ACYP2: variants seen among roughly 807,000 people sequenced by gnomAD.
ACYP2 encodes the protein acylphosphatase 2, also known as acylphosphatase-2.
In ACYP2, 12 loss-of-function variants were observed where a neutral mutation model predicts 11.2. The observed-to-expected ratio is 1.08, with a 90% CI of 0.69 to 1.74. The LOEUF (loss-of-function observed/expected upper bound fraction) is 1.74, where lower values mean the gene tolerates loss of function less well. Among genes scored for constraint, ACYP2 ranks in the 40% most tolerant of loss-of-function variants. The probability of loss-of-function intolerance (pLI) is 0.00; values close to 1 mark genes in which losing one functional copy is unlikely to be tolerated. For missense variants in ACYP2, 134 were observed against 101.9 expected, an observed-to-expected ratio of 1.31 and a Z score of -1.35; for synonymous variants, 43 against 32.2, an observed-to-expected ratio of 1.33 and a Z score of -1.13.
intron 6 of ACYP2, among the ~76,000 whole-genome samples, chr2:54,237,455 T>G (rs1686535086): frequency 1.3e-5 from 2 of 152,228 alleles, no homozygotes; most frequent in African/African-American, 4.8e-5. Context: ...GGTTAGACTA[T>G]CGATACAAAT....
intron 6 of ACYP2, among the ~76,000 whole-genome samples, chr2:54,195,590 A>G (rs928735079): frequency 1.1e-4 from 16 of 150,110 alleles, no homozygotes; most frequent in Admixed American, 2.0e-4. Context: ...CCGCAGCCCC[A>G]GCTATCACAT....
At chr2:54,250,815 T>C (rs1687188959) in intron 6 of ACYP2, among the ~76,000 whole-genome samples, 1 of 152,272 alleles carries the variant, frequency 6.6e-6, no homozygotes. Flanking sequence ...ATTATAATTC[T>C]ATAGAAGTTT....
intron 6 of ACYP2, among the ~76,000 whole-genome samples, chr2:54,243,331 G>A (rs368141878): frequency 1.3e-5 from 2 of 152,110 alleles, no homozygotes; most frequent in Non-Finnish European, 2.9e-5. Context: ...CTATTTTACA[G>A]ACCTATATGG....
chr2:53,993,326 G>A (rs1672396438), intron 2 of ACYP2, among the ~76,000 whole-genome samples: 1 of 152,100 alleles, frequency 6.6e-6, no homozygotes, highest in Non-Finnish European at 1.5e-5. Context: ...GATCCAAAGG[G>A]CAGGAGTGAA....
chr2:54,045,775 C>A (rs1675488676), intron 2 of ACYP2, among the ~76,000 whole-genome samples: 1 of 151,748 alleles, frequency 6.6e-6, no homozygotes, highest in South Asian at 2.1e-4. Context: ...AAAATCACGC[C>A]ACTGCACTCC....
intron 4 of ACYP2, among the ~76,000 whole-genome samples, chr2:54,129,582 A>G (rs1273204723): frequency 6.6e-6 from 1 of 150,566 alleles, no homozygotes; most frequent in Admixed American, 6.6e-5. Flanking sequence ...GCTATCTATT[A>G]TAGTATATAT....
chr2:54,139,942 A>G (rs1232381132), intron 6 of ACYP2, among the ~76,000 whole-genome samples: 4 of 152,202 alleles, frequency 2.6e-5, no homozygotes, highest in Admixed American at 6.5e-5. Context: ...ATATTTTTCC[A>G]TAATTTGTAT....
intron 6 of ACYP2, among the ~76,000 whole-genome samples, chr2:54,165,535 TCACACACACACACA>T (rs1163844895): frequency 5.4e-5 from 7 of 128,852 alleles, no homozygotes; most frequent in Admixed American, 1.6e-4. Context: ...TCTCTCTCTC[TCACACACACACACA>T]CACACACACA....
At chr2:54,182,844 A>T (rs369061412) in intron 6 of ACYP2, among the ~76,000 whole-genome samples, 1 of 152,158 alleles carries the variant, frequency 6.6e-6, no homozygotes, top group Non-Finnish European at 1.5e-5. Flanking sequence ...ATCTTGGGGC[A>T]GATCCAGGTT....
intron 2 of ACYP2, among the ~76,000 whole-genome samples, chr2:54,033,526 C>G (rs553425032): frequency 1.3e-5 from 2 of 152,182 alleles, no homozygotes; most frequent in Admixed American, 1.3e-4. Flanking sequence ...CCACACATTT[C>G]TATATGAATT....
intron 1 of ACYP2, among the ~76,000 whole-genome samples, chr2:53,972,081 G>A (rs1428874237): frequency 4.6e-5 from 7 of 151,964 alleles, no homozygotes; most frequent in African/African-American, 7.3e-5. Flanking sequence ...AGGCCGAGGC[G>A]GGCGGATCAC....
intron 6 of ACYP2, among the ~76,000 whole-genome samples, chr2:54,192,236 T>G (rs1684269661): frequency 6.6e-6 from 1 of 152,232 alleles, no homozygotes; most frequent in South Asian, 2.1e-4. Flanking sequence ...TTCTCCTGTA[T>G]CTGAAAGTAT....
At chr2:54,200,975 G>C (rs1558607655) in intron 6 of ACYP2, among the ~76,000 whole-genome samples, 1 of 151,970 alleles carries the variant, frequency 6.6e-6, no homozygotes. Flanking sequence ...TCTCATTATG[G>C]TTTTGATTTG....
chr2:54,251,337 A>AGAGT (rs953334470), intron 6 of ACYP2, among the ~76,000 whole-genome samples: 123 of 151,786 alleles, frequency 8.1e-4, no homozygotes, highest in African/African-American at 2.6e-3. Flanking sequence ...TTTCTGGCAG[A>AGAGT]GAGTTTCCAG....
intron 3 of ACYP2, chr2:54,051,119 G>A: frequency 3.1e-6 from 2 of 651,724 alleles, no homozygotes; most frequent in Non-Finnish European, 5.4e-6. Flanking sequence ...AGCCATTGCA[G>A]TACACTGAAC....
chr2:54,060,623 C>T (rs1573630921), intron 4 of ACYP2, among the ~76,000 whole-genome samples: 2 of 152,192 alleles, frequency 1.3e-5, no homozygotes, highest in South Asian at 4.1e-4. Flanking sequence ...GTAGGTTCTA[C>T]TAATTTATTT....
chr2:54,226,365 C>T (rs1224231474), intron 6 of ACYP2, among the ~76,000 whole-genome samples: 2 of 152,160 alleles, frequency 1.3e-5, no homozygotes, highest in Non-Finnish European at 1.5e-5. Flanking sequence ...CTCTGACAGA[C>T]AATCCATTGT....
chr2:54,282,548 G>C (rs1411400651), intron 6 of ACYP2, among the ~76,000 whole-genome samples: 1 of 152,146 alleles, frequency 6.6e-6, no homozygotes, highest in Non-Finnish European at 1.5e-5. Context: ...TCCTATGAAT[G>C]TTTAAGAAAA....
intron 6 of ACYP2, among the ~76,000 whole-genome samples, chr2:54,259,078 A>C (rs1687672890): frequency 6.6e-6 from 1 of 152,228 alleles, no homozygotes; most frequent in African/African-American, 2.4e-5. Context: ...ACCTCCCAGC[A>C]TGGGGTGTAA....
Sources: allele counts gnomAD v4.1 joint callset (sites outside exome capture counted in the v4.1 genomes callset), GRCh38; gene constraint gnomAD v4.1.1; transcripts MANE v1.5; gene names NCBI Gene and HGNC (gene_info 2026-07-23, HGNC 2026-07-21).